The following UNC5D variants were observed in gnomAD, a reference collection of about 807,000 sequenced individuals.
UNC5D encodes the protein unc-5 netrin receptor D.
A neutral mutation model predicts 105.4 loss-of-function variants in UNC5D; 39 were observed. The observed-to-expected ratio is 0.37, with a 90% CI of 0.29 to 0.48. The LOEUF (loss-of-function observed/expected upper bound fraction) is 0.48, where lower values mean the gene tolerates loss of function less well. Ranked by LOEUF, UNC5D falls within the 20% of genes least tolerant of loss-of-function variation. The pLI is 0.98. For synonymous variants in UNC5D, 452 were observed against 450.4 expected, an observed-to-expected ratio of 1.00 and a Z score of -0.04; for missense variants, 991 against 1,202.4, an observed-to-expected ratio of 0.82 and a Z score of 2.60.
intron 4 of UNC5D, among the ~76,000 whole-genome samples, 174 bp from the exon 5 acceptor site, chr8:35,683,372 TA>T (rs1282693371): frequency 6.6e-6 from 1 of 152,196 alleles, no homozygotes; most frequent in Non-Finnish European, 1.5e-5. Context: ...ATTTCCTGAA[TA>T]TAACCAAATT....
At chr8:35,558,477 A>G (rs1453024794) in intron 2 of UNC5D, among the ~76,000 whole-genome samples, 1 of 152,208 alleles carries the variant, frequency 6.6e-6, no homozygotes, top group Non-Finnish European at 1.5e-5. Flanking sequence ...TATTCAAAAT[A>G]TGAGGGAGTA....
chr8:35,433,414 A>G (rs1806786176), intron 1 of UNC5D, among the ~76,000 whole-genome samples: 2 of 152,182 alleles, frequency 1.3e-5, no homozygotes, highest in African/African-American at 4.8e-5. Flanking sequence ...ATGATAGCAT[A>G]TGAGAGGAAA....
chr8:35,648,274 C>T (rs116770666), intron 4 of UNC5D, among the ~76,000 whole-genome samples: 50 of 152,186 alleles, frequency 3.3e-4, no homozygotes, highest in African/African-American at 1.2e-3. Flanking sequence ...CAGAAACAAC[C>T]GTTTACCTTG....
chr8:35,620,523 C>A (rs375077336), intron 4 of UNC5D, among the ~76,000 whole-genome samples: 151 of 152,218 alleles, frequency 9.9e-4, no homozygotes, highest in South Asian at 9.1e-3. Flanking sequence ...ACCCTTACCC[C>A]CACTGTTCCG....
intron 1 of UNC5D, among the ~76,000 whole-genome samples, chr8:35,267,273 A>T (rs550268926): frequency 2.0e-5 from 3 of 152,312 alleles, no homozygotes; most frequent in East Asian, 3.9e-4. Flanking sequence ...TTTCTCCATC[A>T]TATATGATTG....
chr8:35,730,439 A>C (rs1220224094), intron 10 of UNC5D, among the ~76,000 whole-genome samples: 2 of 152,182 alleles, frequency 1.3e-5, no homozygotes, highest in East Asian at 3.8e-4. Flanking sequence ...ATGGTTGTGC[A>C]ATAATCTATA....
intron 1 of UNC5D, among the ~76,000 whole-genome samples, chr8:35,494,118 G>A (rs1811390201): frequency 6.6e-6 from 1 of 151,882 alleles, no homozygotes; most frequent in South Asian, 2.1e-4. Flanking sequence ...TTTTATTGTT[G>A]CACTTCAGCT....
chr8:35,787,424 G>A (rs996974114), intron 16 of UNC5D, among the ~76,000 whole-genome samples: 1 of 152,120 alleles, frequency 6.6e-6, no homozygotes, highest in African/African-American at 2.4e-5. Context: ...AAAGAAGATT[G>A]TCACACAGGT....
In UNC5D at chr8:35,235,902, G is replaced by C; in HGVS notation, c.103+15G>C. On this transcript the variant is annotated intron_variant, in intron 1 of 16. Coordinates refer to ENST00000404895, the MANE Select transcript of UNC5D (RefSeq NM_080872.4). ...GGCTGCCCGAGGTAAGCGCTGGGCG[G>C]AGCGGGCAGCTGGGGGCGAGGGCGC... The C allele has an allele frequency of 8.3e-7, 1 of 1,208,744 alleles. No homozygotes were observed. Among genetic ancestry groups the C allele is most frequent in the Non-Finnish European group, 1.0e-6 (1 of 979,216 alleles). The allele number at this position is 1,208,744 out of a possible 1,614,324, so 74.9% of individuals were successfully genotyped here.
intron 1 of UNC5D, among the ~76,000 whole-genome samples, chr8:35,309,564 A>G (rs888104516): frequency 1.3e-5 from 2 of 152,200 alleles, no homozygotes; most frequent in African/African-American, 4.8e-5. Context: ...GGACACTAAA[A>G]TTAAATATCA....
In UNC5D at chr8:35,544,549, A is replaced by C. The variant is rs776979590; in HGVS notation, c.104-4743A>C. 1.3e-5 allele frequency: 21 copies of C among 1,613,540 alleles called. No homozygotes were observed. The South Asian group carries it at 2.3e-4, about 18-fold the overall frequency. ...AAACTTCACCAGGTAAGGCAGGAACAAACAGGAAAAAGGACAGTACCAACC... is the reference window on the plus strand; with the variant it reads ...AAACTTCACCAGGTAAGGCAGGAACCAACAGGAAAAAGGACAGTACCAACC... On this transcript the variant is annotated intron_variant, in intron 1 of 16. Coordinates refer to ENST00000404895, the MANE Select transcript of UNC5D (RefSeq NM_080872.4).
chr8:35,563,990 A>C (rs936107970), intron 2 of UNC5D, among the ~76,000 whole-genome samples: 6 of 152,196 alleles, frequency 3.9e-5, no homozygotes, highest in Admixed American at 3.9e-4. Context: ...TGATCCTTTA[A>C]TGTGTTACTG....
intron 1 of UNC5D, among the ~76,000 whole-genome samples, chr8:35,270,868 T>TA (rs61641330): frequency 6.0e-5 from 9 of 150,976 alleles, no homozygotes; most frequent in Admixed American, 1.3e-4. Context: ...GTGGCTGCAA[T>TA]AAAAAAAAAA....
At chr8:35,535,672 A>G (rs535837942) in intron 1 of UNC5D, among the ~76,000 whole-genome samples, 2 of 152,216 alleles carry the variant, frequency 1.3e-5, no homozygotes, top group East Asian at 3.9e-4. Flanking sequence ...CATTTCCTAG[A>G]GTGCCATTGT....
At chr8:35,591,968 T>C (rs1185670340) in intron 3 of UNC5D, among the ~76,000 whole-genome samples, 1 of 152,198 alleles carries the variant, frequency 6.6e-6, no homozygotes, top group Non-Finnish European at 1.5e-5. Flanking sequence ...CTCCCTGCAA[T>C]GTTCCTGCGG....
chr8:35,598,464 A>G (rs1411713731), intron 4 of UNC5D, among the ~76,000 whole-genome samples: 1 of 152,202 alleles, frequency 6.6e-6, no homozygotes, highest in Admixed American at 6.5e-5. Context: ...GGAAATTGGT[A>G]TAGCCATTAT....
intron 1 of UNC5D, among the ~76,000 whole-genome samples, chr8:35,271,735 A>G (rs1306692414): frequency 5.1e-5 from 7 of 135,958 alleles, no homozygotes; most frequent in Admixed American, 1.5e-4. Context: ...ACATGTATAC[A>G]TATATATTTA....
chr8:35,420,589 G>A (rs994497986), intron 1 of UNC5D, among the ~76,000 whole-genome samples: 4 of 152,216 alleles, frequency 2.6e-5, no homozygotes, highest in Non-Finnish European at 5.9e-5. Flanking sequence ...GAGCAGACTA[G>A]CAGGTGCATC....
At chr8:35,728,095 A>AATATATATATATATATATATATAT (rs1554596595) in intron 10 of UNC5D, among the ~76,000 whole-genome samples, 11 of 110,340 alleles carry the variant, frequency 1.0e-4, no homozygotes, top group African/African-American at 6.0e-4. Context: ...AAAAAAAAAA[A>AATATATATATATATATATATATAT]ATATATATAT....
Sources: allele counts gnomAD v4.1 joint callset (sites outside exome capture counted in the v4.1 genomes callset), GRCh38; gene constraint gnomAD v4.1.1; transcripts MANE v1.5; gene names NCBI Gene and HGNC (gene_info 2026-07-23, HGNC 2026-07-21).